The following ZMIZ1 variants were observed in gnomAD, a reference collection of about 807,000 sequenced individuals.
ZMIZ1 encodes the protein zinc finger MIZ domain-containing protein 1.
Under a neutral mutation model 113.9 loss-of-function variants are expected in ZMIZ1, and 17 were observed. The observed-to-expected ratio is 0.15, with a 90% CI of 0.10 to 0.22. The LOEUF (loss-of-function observed/expected upper bound fraction) is 0.22, where lower values mean the gene tolerates loss of function less well. Ranked by LOEUF, ZMIZ1 falls within the 10% of genes least tolerant of loss-of-function variation. The pLI, the probability that ZMIZ1 is intolerant of heterozygous loss-of-function variation, is 1.00. For synonymous variants in ZMIZ1, 607 were observed against 603.1 expected (o/e 1.01, Z -0.09); for missense variants, 1,059 against 1,477.8 (o/e 0.72, Z 4.65).
At chr10:79,238,963 G>C (rs1849703754) in intron 7 of ZMIZ1, among the ~76,000 whole-genome samples, 1 of 152,198 alleles carries the variant, frequency 6.6e-6, no homozygotes, top group South Asian at 2.1e-4. Context: ...GTGACCCCGT[G>C]TGTGGACACA....
At chr10:79,164,232 T>C (rs1156884857) in intron 4 of ZMIZ1, among the ~76,000 whole-genome samples, 1 of 152,248 alleles carries the variant, frequency 6.6e-6, no homozygotes, top group Non-Finnish European at 1.5e-5. Context: ...TCTTGACCAT[T>C]GGCTCCCTGT....
intron 4 of ZMIZ1, among the ~76,000 whole-genome samples, chr10:79,185,285 A>G (rs1847306765): frequency 6.6e-6 from 1 of 152,186 alleles, no homozygotes; most frequent in South Asian, 2.1e-4. Flanking sequence ...TCGCCCCAAA[A>G]TTGTTGAGTC....
intron 1 of ZMIZ1, among the ~76,000 whole-genome samples, chr10:79,103,477 G>A (rs1229620524): frequency 6.6e-6 from 1 of 152,062 alleles, no homozygotes; most frequent in Non-Finnish European, 1.5e-5. Flanking sequence ...GGTTGAGGGG[G>A]AGCGTCAGAA....
chr10:79,115,828 C>G (rs533040972), intron 1 of ZMIZ1, among the ~76,000 whole-genome samples: 2 of 152,228 alleles, frequency 1.3e-5, no homozygotes, highest in East Asian at 3.8e-4. Flanking sequence ...GGAGGGCTTC[C>G]GCCTTCTCAG....
chr10:79,240,177 C>T (rs1218808403), intron 7 of ZMIZ1, among the ~76,000 whole-genome samples: 1 of 152,170 alleles, frequency 6.6e-6, no homozygotes, highest in Non-Finnish European at 1.5e-5. Flanking sequence ...GGCTGCAGCT[C>T]GCCCTTTCTT....
intron 1 of ZMIZ1, among the ~76,000 whole-genome samples, chr10:79,083,494 A>G (rs754474901): frequency 8.5e-5 from 13 of 152,204 alleles, no homozygotes; most frequent in Non-Finnish European, 1.8e-4. Flanking sequence ...TATCAAGTAC[A>G]GGAAGGGCTT....
chr10:79,140,128 G>A (rs1462757688), intron 3 of ZMIZ1, among the ~76,000 whole-genome samples: 2 of 152,176 alleles, frequency 1.3e-5, no homozygotes, highest in Non-Finnish European at 2.9e-5. Flanking sequence ...CTGTAGCCAG[G>A]GGTCCCAGCC....
chr10:79,093,490 G>C (rs1250014), intron 1 of ZMIZ1, among the ~76,000 whole-genome samples: 105,567 of 151,544 alleles, frequency 0.7, 37,748 homozygotes, highest in African/African-American at 0.88. Flanking sequence ...CCATGCCTGG[G>C]TAATTTTTGT....
chr10:79,264,326 T>G (rs1322348596), intron 7 of ZMIZ1, among the ~76,000 whole-genome samples: 4 of 152,168 alleles, frequency 2.6e-5, no homozygotes, highest in Admixed American at 2.6e-4. Flanking sequence ...CACTCACGCC[T>G]CACCACGGAC....
chr10:79,257,411 G>T (rs1850983313), intron 7 of ZMIZ1, among the ~76,000 whole-genome samples: 1 of 152,222 alleles, frequency 6.6e-6, no homozygotes, highest in Non-Finnish European at 1.5e-5. Context: ...TTAGGACTGG[G>T]CACCATCTAG....
chr10:79,080,963 G>A (rs1430616802), intron 1 of ZMIZ1, among the ~76,000 whole-genome samples: 1 of 152,014 alleles, frequency 6.6e-6, no homozygotes, highest in Non-Finnish European at 1.5e-5. Flanking sequence ...AAGACCATTA[G>A]GGACCTTGGC....
chr10:79,114,922 C>T (rs1457299158), intron 1 of ZMIZ1, among the ~76,000 whole-genome samples: 1 of 152,188 alleles, frequency 6.6e-6, no homozygotes, highest in Non-Finnish European at 1.5e-5. Flanking sequence ...TGCCAGTGCT[C>T]CCCCAAACTT....
At chr10:79,217,821 C>CAA (rs1848800482) in intron 7 of ZMIZ1, among the ~76,000 whole-genome samples, 1 of 152,226 alleles carries the variant, frequency 6.6e-6, no homozygotes, top group African/African-American at 2.4e-5. Context: ...TGGGATATTG[C>CAA]TATCGTATTG....
intron 3 of ZMIZ1, among the ~76,000 whole-genome samples, chr10:79,149,619 C>CT (rs1343668856): frequency 2.6e-5 from 4 of 152,188 alleles, no homozygotes; most frequent in African/African-American, 9.6e-5. Flanking sequence ...GTGAAGGGGT[C>CT]TTTCTCTAGG....
rs116185480 is a variant in ZMIZ1, at chr10:79,173,651, A to G, written c.-50+11518A>G. On this transcript the variant is annotated intron_variant, in intron 4 of 24. Transcript: ENST00000334512. The stretch of plus-strand genomic sequence containing the variant: ...GACCAAATCTTTGCTGTTAATCACT[A>G]TGTTATCCTGTAGAGTGTGTGTTAT... Among the ~76,000 whole-genome samples, 519 of 152,284 alleles carry G rather than the reference A, an allele frequency of 3.4e-3. 5 individuals are homozygous for G. Among genetic ancestry groups the G allele is most frequent in the African/African-American group, 0.012 (481 of 41,568 alleles).
chr10:79,290,724 C>T (rs1045577518), intron 9 of ZMIZ1: 16 of 692,408 alleles, frequency 2.3e-5, no homozygotes, highest in Middle Eastern at 2.3e-4. Flanking sequence ...TGGTCATACC[C>T]TCAGCTTGTT....
chr10:79,163,029 G>C (rs923326719), intron 4 of ZMIZ1, among the ~76,000 whole-genome samples: 1 of 152,122 alleles, frequency 6.6e-6, no homozygotes, highest in South Asian at 2.1e-4. Context: ...CCCTGTGCCC[G>C]AGGGTGACCT....
chr10:79,275,982 A>G (rs1022991826), intron 7 of ZMIZ1, among the ~76,000 whole-genome samples: 1 of 152,230 alleles, frequency 6.6e-6, no homozygotes, highest in African/African-American at 2.4e-5. Context: ...GTGGCTGAGC[A>G]GTTATGATTC....
intron 7 of ZMIZ1, among the ~76,000 whole-genome samples, chr10:79,244,957 A>G (rs1026860864): frequency 1.3e-5 from 2 of 152,206 alleles, no homozygotes; most frequent in Non-Finnish European, 2.9e-5. Flanking sequence ...CTTGGAGTCC[A>G]CGTGGCTCCT....
Sources: gnomAD v4.1 joint callset for allele counts (sites outside exome capture counted in the v4.1 genomes callset) on GRCh38, gnomAD v4.1.1 for gene constraint, MANE v1.5 for transcripts, NCBI Gene and HGNC (gene_info 2026-07-23, HGNC 2026-07-21) for gene names.